RFX3: variants seen among roughly 807,000 people sequenced by gnomAD.
RFX3 encodes the protein regulatory factor X3.
In RFX3, 14 loss-of-function variants were observed where a neutral mutation model predicts 98.6. The ratio of observed to expected loss-of-function variants is 0.14; its 90% confidence interval spans 0.09 to 0.22. The LOEUF (loss-of-function observed/expected upper bound fraction) is 0.22. Ranked by LOEUF, RFX3 falls within the 10% of genes least tolerant of loss-of-function variation. The pLI, the probability that RFX3 is intolerant of heterozygous loss-of-function variation, is 1.00. For missense variants in RFX3, 639 were observed against 926.9 expected, an observed-to-expected ratio of 0.69 and a Z score of 4.03; for synonymous variants, 383 against 328.4, an observed-to-expected ratio of 1.17 and a Z score of -1.80.
rs542114307 is a variant in RFX3 at position 3,397,848 on chromosome 9, T to C, written c.-8-2252A>G. On this transcript the variant is annotated intron_variant, in intron 1 of 16. Coordinates refer to ENST00000617270, the MANE Select transcript of RFX3 (RefSeq NM_001282116.2). ...CTTGATATATTTATTAATTTAAAAA[T>C]GAATCCATGTAACAACTCAATGCAG... Among the ~76,000 whole-genome samples the C allele has an allele frequency of 3.9e-5, 6 of 152,322 alleles. No homozygotes were observed. The East Asian group carries it at 9.6e-4, about 24-fold the overall frequency.
intron 15 of RFX3, among the ~76,000 whole-genome samples, chr9:3,232,065 AG>A (rs58074195): frequency 4.6e-5 from 1 of 21,760 alleles, no homozygotes; most frequent in South Asian, 1.2e-3. Context: ...CAAGCAAGCA[AG>A]CAAGCAAACA....
At chr9:3,433,569 A>C (rs1346331344) in intron 1 of RFX3, among the ~76,000 whole-genome samples, 1 of 152,188 alleles carries the variant, frequency 6.6e-6, no homozygotes, top group Non-Finnish European at 1.5e-5. Flanking sequence ...CTAGCTTCTG[A>C]CTGTGCTTGG....
chr9:3,349,689 T>G (rs1443081202), intron 2 of RFX3, among the ~76,000 whole-genome samples: 1 of 152,110 alleles, frequency 6.6e-6, no homozygotes, highest in African/African-American at 2.4e-5. Context: ...TATATGAATG[T>G]GTATAGAAGT....
intron 1 of RFX3, among the ~76,000 whole-genome samples, chr9:3,474,898 A>C (rs1849092402): frequency 6.6e-6 from 1 of 152,126 alleles, no homozygotes; most frequent in African/African-American, 2.4e-5. Context: ...CCAAGAGTTG[A>C]AGACCAGCCT....
intron 9 of RFX3, among the ~76,000 whole-genome samples, chr9:3,272,045 G>C (rs1051431057): frequency 6.6e-6 from 1 of 151,112 alleles, no homozygotes; most frequent in African/African-American, 2.4e-5. Flanking sequence ...TTTTTTTATG[G>C]TGCTTAAATG....
At chr9:3,469,565 A>C (rs138448267) in intron 1 of RFX3, among the ~76,000 whole-genome samples, 242 of 152,272 alleles carry the variant, frequency 1.6e-3, no homozygotes, top group African/African-American at 5.5e-3. Flanking sequence ...TACTGGGTCA[A>C]TGATAAAATA....
At chr9:3,452,687 T>C (rs1846767616) in intron 1 of RFX3, among the ~76,000 whole-genome samples, 1 of 152,196 alleles carries the variant, frequency 6.6e-6, no homozygotes, top group Non-Finnish European at 1.5e-5. Flanking sequence ...GAAAAAGACA[T>C]ACTTTGCACT....
At chr9:3,405,845 G>C (rs761038310) in intron 1 of RFX3, among the ~76,000 whole-genome samples, 1 of 152,126 alleles carries the variant, frequency 6.6e-6, no homozygotes, top group Non-Finnish European at 1.5e-5. Context: ...ACAAGGCTTA[G>C]GAGGCTCTTT....
chr9:3,474,767 A>C (rs961945600), intron 1 of RFX3, among the ~76,000 whole-genome samples: 1 of 152,134 alleles, frequency 6.6e-6, no homozygotes, highest in Non-Finnish European at 1.5e-5. Flanking sequence ...CACCATTAGA[A>C]CCCTAATCAA....
chr9:3,396,493 G>A (rs1391189537), intron 1 of RFX3, among the ~76,000 whole-genome samples: 2 of 152,128 alleles, frequency 1.3e-5, no homozygotes, highest in East Asian at 1.9e-4. Context: ...TAGTGCCGCA[G>A]TAAACATATG....
chr9:3,424,154 AAAG>A (rs574524980), intron 1 of RFX3, among the ~76,000 whole-genome samples: 95 of 151,186 alleles, frequency 6.3e-4, no homozygotes, highest in East Asian at 1.6e-3. Flanking sequence ...CTCAAAAAAA[AAAG>A]AAGAAGAACT....
intron 5 of RFX3, among the ~76,000 whole-genome samples, chr9:3,295,499 T>C (rs1414777563): frequency 2.0e-5 from 3 of 151,916 alleles, no homozygotes; most frequent in Admixed American, 6.6e-5. Flanking sequence ...TCAAGGACTA[T>C]AAAGAAGACA....
At chr9:3,247,245 A>G in intron 15 of RFX3, 1 of 843,066 alleles carries the variant, frequency 1.2e-6, no homozygotes, top group Non-Finnish European at 1.3e-6. Context: ...CATTATATTA[A>G]CCAGCCCTTG....
chr9:3,477,194 T>A (rs114304410), intron 1 of RFX3, among the ~76,000 whole-genome samples: 2,818 of 152,278 alleles, frequency 0.019, 100 homozygotes, highest in African/African-American at 0.064. Context: ...ACAAAAGACA[T>A]GGATTTAGAG....
At chr9:3,228,762 G>A in intron 16 of RFX3, 85 bp downstream of exon 16, 1 of 1,107,472 alleles carries the variant, frequency 9.0e-7, no homozygotes, top group Non-Finnish European at 1.3e-6. Flanking sequence ...AAATCAGAGT[G>A]TTGTAAACAT....
At chr9:3,281,491 C>T (rs1163186413) in intron 7 of RFX3, among the ~76,000 whole-genome samples, 1 of 151,578 alleles carries the variant, frequency 6.6e-6, no homozygotes, top group Non-Finnish European at 1.5e-5. Flanking sequence ...TTTGGTTTTC[C>T]CAGAGTAAAC....
intron 2 of RFX3, among the ~76,000 whole-genome samples, chr9:3,394,632 T>C (rs914523300): frequency 3.9e-5 from 6 of 152,218 alleles, no homozygotes; most frequent in African/African-American, 1.4e-4. Context: ...TCATCATCTA[T>C]AACCCATCTA....
chr9:3,394,697 G>C (rs747925971), intron 2 of RFX3: 2 of 351,818 alleles, frequency 5.7e-6, no homozygotes, highest in Non-Finnish European at 8.0e-6. Flanking sequence ...TTGCTAAAGA[G>C]TCTCTTTAAT....
At chr9:3,524,744 C>T (rs1819050827) in intron 1 of RFX3, 1 of 313,500 alleles carries the variant, frequency 3.2e-6, no homozygotes, top group Admixed American at 6.5e-5. Context: ...ACTCCCCCTC[C>T]CACCTCCACA....
Sources: allele counts gnomAD v4.1 joint callset (sites outside exome capture counted in the v4.1 genomes callset), GRCh38; gene constraint gnomAD v4.1.1; transcripts MANE v1.5; gene names NCBI Gene and HGNC (gene_info 2026-07-23, HGNC 2026-07-21).